The following DHX57 variants were observed in gnomAD, a reference collection of about 807,000 sequenced individuals.
The protein encoded by DHX57 is DExH-box helicase 57, also known as putative ATP-dependent RNA helicase DHX57.
Under a neutral mutation model 156.2 loss-of-function variants are expected in DHX57, and 105 were observed. The observed-to-expected ratio is 0.67, with a 90% CI of 0.57 to 0.79. The LOEUF (loss-of-function observed/expected upper bound fraction) is 0.79. Among genes scored for constraint, DHX57 ranks in the 30% least tolerant of loss-of-function variants. DHX57 has a pLI of 0.00. For missense variants in DHX57, 1,847 were observed against 1,661.9 expected (o/e 1.11, Z -1.94); for synonymous variants, 704 against 595.6 (o/e 1.18, Z -2.65).
rs778550993 is a variant in DHX57 at position 38,862,284 on chromosome 2, C to A, written c.433G>T (p.Asp145Tyr). The change falls in exon 4 of 24, where the codon GAT becomes TAT. Residue 145 changes from aspartate (D) to tyrosine (Y), a missense_variant. By Grantham distance (160) the Asp-to-Tyr change is radical (BLOSUM62 -3). Transcript: ENST00000457308. ...TGTCCAGCTGGCCAGTACCGCTCAT[C>A]GTTACAGCAATCAGGCTCATCATCT... ...EEDDEPDCCN[D>Y]ERYWPAGQEP... The A allele has an allele frequency of 1.2e-6, 2 of 1,609,270 alleles. No homozygotes were observed. The highest frequency in any genetic ancestry group is 2.2e-5 in the South Asian group (2 of 90,396).
chr2:38,827,357 G>T (rs904477079), intron 14 of DHX57, among the ~76,000 whole-genome samples: 4 of 149,004 alleles, frequency 2.7e-5, no homozygotes, highest in African/African-American at 9.8e-5. Context: ...AATACAAGAT[G>T]AGCCTGTAAC....
Position 38,858,718 on chromosome 2 carries a change from C to T in DHX57, c.1530G>A (p.Gln510=), listed in dbSNP as rs1673030061. The change falls in exon 6 of 24, where the codon CAG becomes CAA. Residue 510 remains glutamine (Q), a synonymous_variant. Coordinates refer to ENST00000457308, the MANE Select transcript of DHX57 (RefSeq NM_198963.3). ...CATTTTCAGCATGTACTGACTTTGC[C>T]TGCCAGTCATATCTTTTGGAAATCT... The part of the protein sequence containing the change: ...KKKISKRYDW[Q]AKSVHAENGK... 6.2e-7 allele frequency: 1 copy of T among 1,614,028 alleles called. No individual in the cohort carries two copies. Among genetic ancestry groups the T allele is most frequent in the Non-Finnish European group, 8.5e-7 (1 of 1,179,992 alleles).
Position 38,797,839 on chromosome 2 carries a change from T to C in DHX57, c.*460A>G, listed in dbSNP as rs2148519908. On this transcript the variant is annotated 3_prime_UTR_variant, in exon 24 of 24. Transcript: ENST00000457308. ...TTTAATTTTGCTTGTTCACATAATT[T>C]TGGGTTTTTTTTCCCCTTCTCTGTT... The C allele has an allele frequency of 6.1e-6, 1 of 164,250 alleles. No individual in the cohort carries two copies. Among genetic ancestry groups the C allele is most frequent in the South Asian group, 2.1e-4 (1 of 4,830 alleles). 10.2% of individuals were successfully genotyped at this position (164,250 alleles called of 1,614,324 possible).
At chr2:38,841,267 TC>T (rs1483674886) in intron 12 of DHX57, among the ~76,000 whole-genome samples, 1 of 152,230 alleles carries the variant, frequency 6.6e-6, no homozygotes, top group African/African-American at 2.4e-5. Context: ...CTGGGCACTA[TC>T]CTTGTGGGTT....
chr2:38,855,983 C>A (rs993188420), intron 7 of DHX57, among the ~76,000 whole-genome samples: 8 of 152,076 alleles, frequency 5.3e-5, no homozygotes, highest in African/African-American at 1.9e-4. Flanking sequence ...CACAGTGGTG[C>A]GCCTGTCATC....
At chr2:38,800,697 G>A (rs896015091) in intron 23 of DHX57, among the ~76,000 whole-genome samples, 1 of 152,132 alleles carries the variant, frequency 6.6e-6, no homozygotes, top group Non-Finnish European at 1.5e-5. Flanking sequence ...ACCATATGCT[G>A]CATACATGTG....
At chr2:38,854,565 T>G (rs13030644) in intron 8 of DHX57, 1,327 of 99,292 alleles carry the variant, frequency 0.013, 12 homozygotes, top group African/African-American at 0.025. Context: ...AGTTTTTTTT[T>G]TTTTTTTTTT....
chr2:38,858,601 C>G (rs1282469350), intron 6 of DHX57, 60 bp downstream of exon 6: 1 of 1,533,698 alleles, frequency 6.5e-7, no homozygotes, highest in African/African-American at 1.4e-5. Flanking sequence ...TCCCTAATTC[C>G]TAATCCCATC....
At chr2:38,831,959 T>G (rs1393395992) in intron 13 of DHX57, among the ~76,000 whole-genome samples, 1 of 151,656 alleles carries the variant, frequency 6.6e-6, no homozygotes, top group African/African-American at 2.4e-5. Flanking sequence ...GAGGCAGAGG[T>G]TGCAGTGAGC....
chr2:38,825,762 T>A, intron 16 of DHX57, 85 bp downstream of exon 16: 2 of 1,399,686 alleles, frequency 1.4e-6, no homozygotes, highest in South Asian at 2.4e-5. Flanking sequence ...AAATATCTTC[T>A]AGAAGTAAAA....
At chr2:38,866,544 C>T (rs1032600947) in intron 2 of DHX57, among the ~76,000 whole-genome samples, 4 of 152,142 alleles carry the variant, frequency 2.6e-5, no homozygotes, top group Admixed American at 2.6e-4. Flanking sequence ...GCATGCGGCA[C>T]CTGGTAATGT....
chr2:38,875,296 T>C (rs549436743), intron 1 of DHX57, among the ~76,000 whole-genome samples: 11 of 152,324 alleles, frequency 7.2e-5, no homozygotes, highest in African/African-American at 2.4e-4. Flanking sequence ...TATTCTTTGT[T>C]TGATAGCCAA....
Position 38,818,885 on chromosome 2 carries a change from C to T in DHX57, c.3463G>A (p.Val1155Ile), listed in dbSNP as rs1670675965. ...YCRQNFLSGR[V>I]LQEMASLKRQ... is the part of the protein sequence containing the mutation. Reference sequence around the variant, plus strand: ...CCACAGACACAACTCACCTGCAGAACTCTTCCAGACAAGAAGTTTTGTCTG... The same window carrying T: ...CCACAGACACAACTCACCTGCAGAATTCTTCCAGACAAGAAGTTTTGTCTG... The change falls in exon 19 of 24, where the codon GTT (valine) becomes ATT (isoleucine). Residue 1155 changes from valine (V) to isoleucine (I), a missense_variant. Physicochemically the swap from Val to Ile is conservative, Grantham distance 29. Transcript: ENST00000457308. The T allele has an allele frequency of 6.2e-7, 1 of 1,614,084 alleles. No individual in the cohort carries two copies.
Position 38,860,588 on chromosome 2 carries a change from G to A in DHX57, c.1411+411C>T, listed in dbSNP as rs1019986298. Among the ~76,000 whole-genome samples, 9 of 152,198 alleles carry A rather than the reference G, an allele frequency of 5.9e-5. 1 individual carries two copies. The highest frequency in any genetic ancestry group is 2.2e-4 in the African/African-American group (9 of 41,446). ...TGGGGGTCTAGTACACCAAAAGCAG[G>A]AGGGTATGGATAGTGGTATAGAAAG... On this transcript the variant is annotated intron_variant, in intron 5 of 23. Transcript: ENST00000457308.
At chr2:38,869,190 G>C (rs1398715201) in intron 1 of DHX57, among the ~76,000 whole-genome samples, 3 of 152,176 alleles carry the variant, frequency 2.0e-5, no homozygotes, top group Non-Finnish European at 4.4e-5. Flanking sequence ...TGCTCTATCA[G>C]GAACACAGCT....
At chr2:38,804,645 C>T (rs1038831822) in intron 22 of DHX57, among the ~76,000 whole-genome samples, 2 of 152,088 alleles carry the variant, frequency 1.3e-5, no homozygotes, top group African/African-American at 2.4e-5. Context: ...TACTCGTCCC[C>T]GTGCATCTCC....
At chr2:38,873,973 G>A (rs964128728) in intron 1 of DHX57, among the ~76,000 whole-genome samples, 2 of 152,228 alleles carry the variant, frequency 1.3e-5, no homozygotes, top group Admixed American at 6.5e-5. Context: ...GAACCCCCAT[G>A]TATACCAAAA....
chr2:38,854,156 T>C lies in DHX57; in HGVS notation c.1928A>G (p.Tyr643Cys). The C allele has an allele frequency of 6.2e-7, 1 of 1,613,914 alleles. No individual in the cohort carries two copies. Among genetic ancestry groups the C allele is most frequent in the Non-Finnish European group, 8.5e-7 (1 of 1,179,856 alleles). The change falls in exon 9 of 24, where the codon TAC becomes TGC. Residue 643 changes from tyrosine to cysteine, a missense_variant. Coordinates refer to ENST00000457308, the MANE Select transcript of DHX57 (RefSeq NM_198963.3). ...TCTCAGCAGCACTCCCGTGGTGCAGTATAACAGTCTGGTGGCTGAGGACTT... is the reference window on the plus strand; with the variant it reads ...TCTCAGCAGCACTCCCGTGGTGCAGCATAACAGTCTGGTGGCTGAGGACTT... ...SVKSSATRLL[Y>C]CTTGVLLRRL... is the part of the protein sequence containing the mutation.
At chr2:38,858,561 CA>C in intron 6 of DHX57, 99 bp downstream of exon 6, 1 of 1,435,450 alleles carries the variant, frequency 7.0e-7, no homozygotes. Context: ...GAAAAAGAAC[CA>C]GAAGAATTTT....
Sources: allele counts gnomAD v4.1 joint callset (sites outside exome capture counted in the v4.1 genomes callset), GRCh38; gene constraint gnomAD v4.1.1; transcripts MANE v1.5; gene names NCBI Gene and HGNC (gene_info 2026-07-23, HGNC 2026-07-21).